Variants in GPATCH2 observed in about 807,000 individuals in gnomAD.
GPATCH2 encodes G patch domain-containing protein 2.
GPATCH2 carries 51 observed loss-of-function variants against 58.0 expected under a neutral mutation model. The observed-to-expected ratio is 0.88, with a 90% confidence interval of 0.70 to 1.11. GPATCH2 has a LOEUF of 1.11. GPATCH2 is among the 50% of genes most tolerant of loss of function. GPATCH2 has a pLI of 0.00. For synonymous variants in GPATCH2, 222 were observed against 218.5 expected, an observed-to-expected ratio of 1.02 and a Z score of -0.14; for missense variants, 625 against 652.2, an observed-to-expected ratio of 0.96 and a Z score of 0.45.
At chr1:217,566,012 A>G (rs926250300) in intron 5 of GPATCH2, among the ~76,000 whole-genome samples, 3 of 150,352 alleles carry the variant, frequency 2.0e-5, no homozygotes, top group African/African-American at 7.3e-5. Flanking sequence ...GAGGCAGGAG[A>G]ATCGCTTGAA....
intron 5 of GPATCH2, among the ~76,000 whole-genome samples, chr1:217,601,653 G>A (rs577047431): frequency 6.6e-6 from 1 of 152,044 alleles, no homozygotes; most frequent in East Asian, 1.9e-4. Context: ...CCTTTCCCCA[G>A]TTGTTAAAAG....
At chr1:217,555,308 A>G (rs1038965245) in intron 5 of GPATCH2, among the ~76,000 whole-genome samples, 3 of 152,128 alleles carry the variant, frequency 2.0e-5, no homozygotes, top group African/African-American at 7.2e-5. Context: ...CAATAATTTC[A>G]TTTTATAAGG....
At chr1:217,480,998 C>G (rs1228243497) in intron 8 of GPATCH2, among the ~76,000 whole-genome samples, 1 of 151,952 alleles carries the variant, frequency 6.6e-6, no homozygotes, top group East Asian at 1.9e-4. Flanking sequence ...GAATGATTAC[C>G]AGAGACTGGG....
At position 217,554,153 on chromosome 1, in the gene GPATCH2, C is replaced by T. The variant is rs558136985; in HGVS notation, c.1099-39264G>A. Among the ~76,000 whole-genome samples the T allele has an allele frequency of 9.2e-5, 14 of 152,304 alleles. No homozygotes were observed. In the South Asian group the frequency reaches 1.9e-3, roughly 20 times the overall value. On this transcript the variant is annotated intron_variant, in intron 5 of 9. Coordinates refer to ENST00000366935, the MANE Select transcript of GPATCH2 (RefSeq NM_018040.5). The stretch of plus-strand genomic sequence containing the variant: ...GACAACAGAAGCCTTGTTATAGCTG[C>T]CAGTCTTTCGCTCTTGTCATTATTA...
At chr1:217,435,580 A>T (rs1658785809) in intron 9 of GPATCH2, among the ~76,000 whole-genome samples, 1 of 152,182 alleles carries the variant, frequency 6.6e-6, no homozygotes, top group Non-Finnish European at 1.5e-5. Flanking sequence ...CCTATCTTGT[A>T]TTCACAAGGC....
At chr1:217,441,820 A>G (rs965160016) in intron 9 of GPATCH2, among the ~76,000 whole-genome samples, 6 of 152,198 alleles carry the variant, frequency 3.9e-5, no homozygotes, top group Non-Finnish European at 8.8e-5. Flanking sequence ...TAGAATGCTG[A>G]GCATTAAAAA....
Position 217,631,026 on chromosome 1 carries a change from T to A in GPATCH2, c.-55A>T. 1 of 1,487,996 alleles carries A rather than the reference T, an allele frequency of 6.7e-7. No individual in the cohort carries two copies. Among genetic ancestry groups the A allele is most frequent in the South Asian group, 1.2e-5 (1 of 84,362 alleles). The allele number at this position is 1,487,996 out of a possible 1,614,324, so 92.2% of individuals were successfully genotyped here. A position where few individuals can be genotyped will look rare whatever the true frequency, so the allele number is the denominator to read the frequency against. ...CTCAGGCCCGTGAACAGACTCCAAC[T>A]ACAACAGCACCGGCGACTTCCAAAG... On this transcript the variant is annotated 5_prime_UTR_variant, in exon 1 of 10. Coordinates refer to ENST00000366935, the MANE Select transcript of GPATCH2 (RefSeq NM_018040.5).
intron 5 of GPATCH2, among the ~76,000 whole-genome samples, chr1:217,568,737 C>T (rs768184163): frequency 1.3e-5 from 2 of 152,140 alleles, no homozygotes; most frequent in Non-Finnish European, 2.9e-5. Context: ...AGGGTCTTGT[C>T]TTGTAAGCTA....
In GPATCH2 at chr1:217,427,239, A is replaced by G. The variant is rs1658373796; in HGVS notation, c.*3906T>C. The G allele has an allele frequency of 6.6e-6, 1 of 152,322 alleles. No individual in the cohort carries two copies. Among genetic ancestry groups the G allele is most frequent in the East Asian group, 1.9e-4 (1 of 5,172 alleles). The allele number at this position is 152,322 out of a possible 1,614,324, so 9.4% of individuals were successfully genotyped here. On this transcript the variant is annotated 3_prime_UTR_variant, in exon 10 of 10. Coordinates refer to ENST00000366935, the MANE Select transcript of GPATCH2 (RefSeq NM_018040.5). ...AATCCTTGAGGGGAAAGAGACCTTA[A>G]GCAAGTTAGTCTAATCAAGCTTCAC...
intron 5 of GPATCH2, among the ~76,000 whole-genome samples, chr1:217,599,258 G>A (rs1668000140): frequency 6.6e-6 from 1 of 152,174 alleles, no homozygotes; most frequent in Admixed American, 6.5e-5. Context: ...CTTGGCACAG[G>A]AGTGACATGA....
chr1:217,610,004 A>G (rs1240834208), intron 5 of GPATCH2: 4 of 1,408,706 alleles, frequency 2.8e-6, no homozygotes, highest in South Asian at 3.4e-5. Flanking sequence ...AAGGAAGAAT[A>G]CCAGTCCTCC....
chr1:217,440,006 C>T (rs1379047480), intron 9 of GPATCH2, among the ~76,000 whole-genome samples: 1 of 152,238 alleles, frequency 6.6e-6, no homozygotes, highest in Non-Finnish European at 1.5e-5. Context: ...TCCTCCCAGA[C>T]TCATTTTATG....
Position 217,594,626 on chromosome 1 carries a change from T to C in GPATCH2, c.1098+15695A>G, listed in dbSNP as rs150756747. 4.6e-3 allele frequency among the ~76,000 whole-genome samples: 695 copies of C among 152,298 alleles called. 7 individuals are homozygous for C. Among genetic ancestry groups the C allele is most frequent in the African/African-American group, 0.016 (652 of 41,580 alleles). On this transcript the variant is annotated intron_variant, in intron 5 of 9. Transcript: ENST00000366935. ...ATTCACTCAAGACACAGTGATGCTA[T>C]ATATTCATGGTTAGAACATCTAATT...
At chr1:217,431,994 A>C (rs1658560583) in intron 9 of GPATCH2, among the ~76,000 whole-genome samples, 1 of 152,110 alleles carries the variant, frequency 6.6e-6, no homozygotes. Context: ...GGCCATGTTT[A>C]AATGATTATA....
intron 8 of GPATCH2, among the ~76,000 whole-genome samples, chr1:217,485,301 A>C (rs934359256): frequency 6.6e-6 from 1 of 152,202 alleles, no homozygotes; most frequent in African/African-American, 2.4e-5. Flanking sequence ...ATCTTTACTC[A>C]GTCTACCGAT....
In GPATCH2 at chr1:217,558,929, G is replaced by C. The variant is rs190905500; in HGVS notation, c.1099-44040C>G. Among the ~76,000 whole-genome samples, 662 of 152,184 alleles carry C rather than the reference G, an allele frequency of 4.3e-3. 2 individuals are homozygous for C. The highest frequency in any genetic ancestry group is 5.0e-3 in the Non-Finnish European group (343 of 68,012). On this transcript the variant is annotated intron_variant, in intron 5 of 9. Transcript: ENST00000366935. ...ATACTTGGTAGGCAACAAATCAAGT[G>C]GGTCTACCATACTCACTAATTCTCC...
intron 5 of GPATCH2, among the ~76,000 whole-genome samples, chr1:217,597,608 C>A (rs1238364363): frequency 1.3e-5 from 2 of 152,104 alleles, no homozygotes; most frequent in African/African-American, 4.8e-5. Flanking sequence ...ACAACTTCTA[C>A]CCTATATCCC....
At chr1:217,589,255 T>A (rs578136840) in intron 5 of GPATCH2, among the ~76,000 whole-genome samples, 275 of 140,434 alleles carry the variant, frequency 2.0e-3, no homozygotes, top group African/African-American at 6.3e-3. Flanking sequence ...GGCCCGCCCA[T>A]CCCTCCCTTT....
chr1:217,499,563 T>C (rs1662194959), intron 6 of GPATCH2, among the ~76,000 whole-genome samples: 2 of 152,126 alleles, frequency 1.3e-5, no homozygotes, highest in Admixed American at 6.6e-5. Flanking sequence ...CTCAAGCTCA[T>C]AGATAGTGAT....
Sources: gnomAD v4.1 joint callset for allele counts (sites outside exome capture counted in the v4.1 genomes callset) on GRCh38, gnomAD v4.1.1 for gene constraint, MANE v1.5 for transcripts, NCBI Gene and HGNC (gene_info 2026-07-23, HGNC 2026-07-21) for gene names.